KCTD16: variants seen among roughly 807,000 people sequenced by gnomAD.
KCTD16 encodes the protein potassium channel tetramerization domain containing 16, also known as BTB/POZ domain-containing protein KCTD16.
KCTD16 carries 13 observed loss-of-function variants against 33.2 expected under a neutral mutation model. The observed-to-expected ratio is 0.39, with a 90% CI of 0.25 to 0.62. The LOEUF is 0.62. Among genes scored for constraint, KCTD16 ranks in the 20% least tolerant of loss-of-function variants. The pLI is 0.50. For synonymous variants in KCTD16, 197 were observed against 195.3 expected, an observed-to-expected ratio of 1.01 and a Z score of -0.07; for missense variants, 441 against 525.1, an observed-to-expected ratio of 0.84 and a Z score of 1.57.
intron 3 of KCTD16, among the ~76,000 whole-genome samples, chr5:144,460,743 T>A (rs1022109651): frequency 1.3e-5 from 2 of 152,330 alleles, no homozygotes; most frequent in South Asian, 4.1e-4. Flanking sequence ...CAGGCCCATC[T>A]TTCTTACTAG....
At chr5:144,433,546 C>T (rs1753513422) in intron 3 of KCTD16, among the ~76,000 whole-genome samples, 1 of 152,110 alleles carries the variant, frequency 6.6e-6, no homozygotes, top group African/African-American at 2.4e-5. Flanking sequence ...CCAAACAAAA[C>T]ATGTATGCAG....
At position 144,299,117 on chromosome 5, in the gene KCTD16, TATATATATATATATATATATATATATATA is replaced by T. The variant is rs1561558503; in HGVS notation, c.832+91572_832+91600del. On this transcript the variant is annotated intron_variant, in intron 3 of 3. Transcript: ENST00000512467. ...CTATGTATATATATATATATATATA[TATATATATATATATATATATATATATATA>T]TATTTTTTTTTTTTTTTTTAACCTG... Among the ~76,000 whole-genome samples, 21 of 17,938 alleles carry T rather than the reference TATATATATATATATATATATATATATATA, an allele frequency of 1.2e-3. 2 individuals are homozygous for T. The highest frequency in any genetic ancestry group is 8.2e-3 in the African/African-American group (15 of 1,822). The allele number at this position is 17,938 out of a possible 152,430, so 11.8% of individuals were successfully genotyped here.
At chr5:144,358,059 GA>G (rs1176803747) in intron 3 of KCTD16, among the ~76,000 whole-genome samples, 1 of 151,288 alleles carries the variant, frequency 6.6e-6, no homozygotes, top group Non-Finnish European at 1.5e-5. Context: ...GAGTAGCTGG[GA>G]CTACAGGCAT....
chr5:144,419,850 G>C (rs1011058483), intron 3 of KCTD16, among the ~76,000 whole-genome samples: 1 of 151,988 alleles, frequency 6.6e-6, no homozygotes, highest in African/African-American at 2.4e-5. Flanking sequence ...TGTTGCATAG[G>C]AGAGCTTATA....
At chr5:144,362,992 C>T (rs1018353606) in intron 3 of KCTD16, among the ~76,000 whole-genome samples, 9 of 152,152 alleles carry the variant, frequency 5.9e-5, no homozygotes, top group South Asian at 2.1e-4. Flanking sequence ...ATTTGTTTTA[C>T]GTTGTTCCTC....
intron 3 of KCTD16, among the ~76,000 whole-genome samples, chr5:144,214,897 A>G (rs1753512072): frequency 6.6e-6 from 1 of 152,176 alleles, no homozygotes; most frequent in Non-Finnish European, 1.5e-5. Context: ...TACCTGATTC[A>G]GTGCCTGGAA....
At chr5:144,254,325 GT>G (rs35604859) in intron 3 of KCTD16, among the ~76,000 whole-genome samples, 33,063 of 150,418 alleles carry the variant, frequency 0.22, 3,991 homozygotes, top group Non-Finnish European at 0.28. Context: ...TGTTTTTTTA[GT>G]TAGAGATGGG....
chr5:144,269,563 T>C (rs1755238576), intron 3 of KCTD16, among the ~76,000 whole-genome samples: 2 of 152,124 alleles, frequency 1.3e-5, no homozygotes, highest in African/African-American at 2.4e-5. Flanking sequence ...AGGAAATTTT[T>C]ACTACTAGAC....
intron 3 of KCTD16, among the ~76,000 whole-genome samples, chr5:144,386,478 T>G (rs1752326765): frequency 6.6e-6 from 1 of 152,222 alleles, no homozygotes; most frequent in South Asian, 2.1e-4. Context: ...GGTACTATGG[T>G]CACATTTGTT....
intron 3 of KCTD16, among the ~76,000 whole-genome samples, chr5:144,255,808 G>T (rs1055695544): frequency 6.6e-6 from 1 of 152,166 alleles, no homozygotes; most frequent in African/African-American, 2.4e-5. Context: ...CATTTAAAAA[G>T]AAGAAATCCT....
chr5:144,405,394 C>G (rs148399049), intron 3 of KCTD16, among the ~76,000 whole-genome samples: 64 of 152,260 alleles, frequency 4.2e-4, no homozygotes, highest in South Asian at 2.3e-3. Context: ...TTTCTAGGAC[C>G]CTGCAATGTT....
At chr5:144,239,640 T>A (rs1393653423) in intron 3 of KCTD16, among the ~76,000 whole-genome samples, 4 of 152,144 alleles carry the variant, frequency 2.6e-5, no homozygotes, top group Non-Finnish European at 5.9e-5. Flanking sequence ...CCGTGACTTT[T>A]CAAATGCCTA....
At chr5:144,283,205 A>G (rs1334216912) in intron 3 of KCTD16, among the ~76,000 whole-genome samples, 2 of 152,162 alleles carry the variant, frequency 1.3e-5, no homozygotes, top group Non-Finnish European at 2.9e-5. Flanking sequence ...CATCTGCTGC[A>G]TGGTCTTAGG....
intron 3 of KCTD16, among the ~76,000 whole-genome samples, chr5:144,218,843 T>C (rs1318320754): frequency 6.6e-6 from 1 of 152,202 alleles, no homozygotes; most frequent in Non-Finnish European, 1.5e-5. Flanking sequence ...AATGTATGGA[T>C]AAATTAATAA....
At chr5:144,465,963 C>T (rs1165690550) in intron 3 of KCTD16, among the ~76,000 whole-genome samples, 1 of 151,954 alleles carries the variant, frequency 6.6e-6, no homozygotes, top group Non-Finnish European at 1.5e-5. Flanking sequence ...CTCAGCCTCC[C>T]AAGTAGCTGG....
chr5:144,185,944 A>T (rs1752716707), intron 2 of KCTD16, among the ~76,000 whole-genome samples: 1 of 152,162 alleles, frequency 6.6e-6, no homozygotes, highest in African/African-American at 2.4e-5. Flanking sequence ...CTGGTAAGAT[A>T]CCTGAGGTGC....
rs1228464029 is a variant in KCTD16, at chr5:144,476,296, A to G, written c.*2182A>G. On this transcript the variant is annotated 3_prime_UTR_variant, in exon 4 of 4. Coordinates refer to ENST00000512467, the MANE Select transcript of KCTD16 (RefSeq NM_020768.4). ...GTCTAACTAAAATGGCCAAAGTTCC[A>G]ACTTCCTTAAATTTCAGACCTGACT... 1 of 152,202 alleles carries G rather than the reference A, an allele frequency of 6.6e-6. No homozygotes were observed. Among genetic ancestry groups the G allele is most frequent in the East Asian group, 1.9e-4 (1 of 5,190 alleles). 9.4% of individuals were successfully genotyped at this position (152,202 alleles called of 1,614,324 possible). A position where few individuals can be genotyped will look rare whatever the true frequency, so the allele number is the denominator to read the frequency against.
chr5:144,356,233 CAT>C (rs1386111411), intron 3 of KCTD16, among the ~76,000 whole-genome samples: 1 of 152,104 alleles, frequency 6.6e-6, no homozygotes, highest in Non-Finnish European at 1.5e-5. Flanking sequence ...CTTTATGTCT[CAT>C]ATGAGAAGTT....
rs183463476 is a variant in KCTD16, at chr5:144,248,528, A to G, written c.832+40982A>G. On this transcript the variant is annotated intron_variant, in intron 3 of 3. Coordinates refer to ENST00000512467, the MANE Select transcript of KCTD16 (RefSeq NM_020768.4). Reference sequence around the variant, plus strand: ...ACAATAGAAGATTTGGACAAGAAAGAATATTATCTGACTTTCATTTTAACA... The same window carrying G: ...ACAATAGAAGATTTGGACAAGAAAGGATATTATCTGACTTTCATTTTAACA... 3.3e-3 allele frequency among the ~76,000 whole-genome samples: 503 copies of G among 152,340 alleles called. 5 individuals are homozygous for G. Among genetic ancestry groups the G allele is most frequent in the Non-Finnish European group, 4.1e-3 (281 of 68,024 alleles).
Sources: gnomAD v4.1 joint callset for allele counts (sites outside exome capture counted in the v4.1 genomes callset) on GRCh38, gnomAD v4.1.1 for gene constraint, MANE v1.5 for transcripts, NCBI Gene and HGNC (gene_info 2026-07-23, HGNC 2026-07-21) for gene names.